The following MCM2 variants were observed in gnomAD, a reference collection of about 807,000 sequenced individuals.
The protein encoded by MCM2 is DNA replication licensing factor MCM2.
MCM2 carries 49 observed loss-of-function variants against 86.4 expected under a neutral mutation model. The observed-to-expected ratio is 0.57, with a 90% confidence interval of 0.45 to 0.72. MCM2 has a LOEUF of 0.72. MCM2 is among the 30% of genes least tolerant of loss of function. MCM2 has a pLI of 0.00. For synonymous variants in MCM2, 475 were observed against 484.6 expected (o/e 0.98, Z 0.26); for missense variants, 1,038 against 1,259.9 (o/e 0.82, Z 2.67).
intron 8 of MCM2, among the ~76,000 whole-genome samples, chr3:127,611,255 C>T (rs943412011): frequency 3.3e-5 from 5 of 152,216 alleles, no homozygotes; most frequent in African/African-American, 1.2e-4. Context: ...TGGGGTCTTA[C>T]AGTCCCTAAG....
intron 2 of MCM2, among the ~76,000 whole-genome samples, chr3:127,602,931 C>G (rs1341413653): frequency 6.6e-6 from 1 of 152,150 alleles, no homozygotes; most frequent in Non-Finnish European, 1.5e-5. Context: ...ATTATTTTTT[C>G]TTATTGGGCG....
Position 127,618,227 on chromosome 3 carries a change from C to A in MCM2, c.2013+146C>A. On this transcript the variant is annotated intron_variant, in intron 12 of 15. Coordinates refer to ENST00000265056, the MANE Select transcript of MCM2 (RefSeq NM_004526.4). The surrounding 1 kb of genome is among the most constrained non-coding windows in gnomAD (Gnocchi z 4.0). ...TAGTCCTGTTCCCTCGGTCTCTTCTCATGTCCAGAAGTCGCCCTGATTTCT... is the reference window on the plus strand; with the variant it reads ...TAGTCCTGTTCCCTCGGTCTCTTCTAATGTCCAGAAGTCGCCCTGATTTCT... The A allele has an allele frequency of 3.0e-6, 2 of 671,174 alleles. No individual in the cohort carries two copies. Among genetic ancestry groups the A allele is most frequent in the Non-Finnish European group, 2.7e-6 (1 of 372,742 alleles). The allele number at this position is 671,174 out of a possible 1,614,324, so 41.6% of individuals were successfully genotyped here. A position where few individuals can be genotyped will look rare whatever the true frequency, so the allele number is the denominator to read the frequency against.
intron 9 of MCM2, 104 bp downstream of exon 9, chr3:127,616,059 A>G: frequency 1.1e-6 from 1 of 921,460 alleles, no homozygotes; most frequent in South Asian, 1.4e-5. Flanking sequence ...TGCTGGGGAG[A>G]AAGAATGCAT....
At chr3:127,619,855 T>C (rs1297296222) in intron 13 of MCM2, among the ~76,000 whole-genome samples, 4 of 152,060 alleles carry the variant, frequency 2.6e-5, no homozygotes, top group Non-Finnish European at 5.9e-5. Context: ...TGGTGGTTTG[T>C]GCCTGTAGTC....
rs765257478 is a variant in MCM2, at chr3:127,619,197, G to A, written c.2184G>A (p.Lys728=). The change falls in exon 13 of 16, where the codon AAG becomes AAA. Residue 728 remains lysine, a synonymous_variant. Coordinates refer to ENST00000265056, the MANE Select transcript of MCM2 (RefSeq NM_004526.4). ...TGAAGAAGTACATCATCTACGCCAAGGAGAGGGTCCACCCGAAGCTCAACC... is the reference window on the plus strand; with the variant it reads ...TGAAGAAGTACATCATCTACGCCAAAGAGAGGGTCCACCCGAAGCTCAACC... ...EVLKKYIIYA[K]ERVHPKLNQM... 1.2e-6 allele frequency: 2 copies of A among 1,614,064 alleles called. No homozygotes were observed. Among genetic ancestry groups the A allele is most frequent in the Admixed American group, 3.3e-5 (2 of 60,002 alleles).
At chr3:127,620,979 G>T (rs764356045) in intron 14 of MCM2, 94 bp from the exon 15 acceptor site, 17 of 1,572,866 alleles carry the variant, frequency 1.1e-5, no homozygotes, top group African/African-American at 4.0e-5. Flanking sequence ...CCCAGGAGCG[G>T]CAGCCTGTCT....
intron 2 of MCM2, among the ~76,000 whole-genome samples, chr3:127,603,905 C>A (rs2074324740): frequency 6.6e-6 from 1 of 152,154 alleles, no homozygotes; most frequent in Non-Finnish European, 1.5e-5. Flanking sequence ...CGTGATTCAT[C>A]CGCCTTGGCC....
chr3:127,601,550 C>T (rs9824789), intron 2 of MCM2, among the ~76,000 whole-genome samples: 6 of 151,992 alleles, frequency 3.9e-5, no homozygotes, highest in South Asian at 2.1e-4. Context: ...AGTAGAGATG[C>T]GGTTTCGGTT....
chr3:127,602,580 A>G (rs1441237546), intron 2 of MCM2, among the ~76,000 whole-genome samples: 1 of 152,190 alleles, frequency 6.6e-6, no homozygotes, highest in Non-Finnish European at 1.5e-5. Flanking sequence ...TTCAGATGGA[A>G]TGACAGTGTC....
rs1413914240 is a variant in MCM2, at chr3:127,609,081, G to A, written c.1428+58G>A. The A allele has an allele frequency of 1.9e-6, 3 of 1,577,810 alleles. No individual in the cohort carries two copies. In the South Asian group the frequency reaches 3.4e-5, roughly 18 times the overall value. ...ATGCTGTGAGAGGATATGGAGGGTTGCTGGGGCTGTGGTAGGCACCTAGGG... is the reference window on the plus strand; with the variant it reads ...ATGCTGTGAGAGGATATGGAGGGTTACTGGGGCTGTGGTAGGCACCTAGGG... On this transcript the variant is annotated intron_variant, in intron 8 of 15. Transcript: ENST00000265056.
intron 2 of MCM2, among the ~76,000 whole-genome samples, chr3:127,602,147 T>A (rs1478751226): frequency 6.6e-6 from 1 of 151,792 alleles, no homozygotes; most frequent in East Asian, 1.9e-4. Context: ...TGAAATTTGA[T>A]GAAGTCCAGT....
At chr3:127,619,362 G>A (rs1352960551) in intron 13 of MCM2, 84 bp downstream of exon 13, 7 of 1,520,448 alleles carry the variant, frequency 4.6e-6, no homozygotes, top group Non-Finnish European at 5.3e-6. Flanking sequence ...CGGGGGTGGT[G>A]GTCAGTCAGG....
intron 13 of MCM2, 82 bp from the exon 14 acceptor site, chr3:127,620,616 T>G (rs2074468959): frequency 7.0e-7 from 1 of 1,428,256 alleles, no homozygotes; most frequent in African/African-American, 1.4e-5. Flanking sequence ...TTCTTGGCTC[T>G]GGGTGCTAAG....
chr3:127,598,967 G>A (rs2074280876), intron 1 of MCM2: 1 of 395,388 alleles, frequency 2.5e-6, no homozygotes, highest in South Asian at 3.3e-5. Context: ...CACTGTGTGT[G>A]CTGAAATAGG....
Position 127,604,546 on chromosome 3 carries a change from G to A in MCM2, c.237-62G>A, listed in dbSNP as rs921924551. On this transcript the variant is annotated intron_variant, in intron 2 of 15. Transcript: ENST00000265056. Reference sequence around the variant, plus strand: ...AGGGAACAGGCCCAGTTCCTGGATGGGGTTTGGTGCTTAGGGTTTTCCTTT... The same window carrying A: ...AGGGAACAGGCCCAGTTCCTGGATGAGGTTTGGTGCTTAGGGTTTTCCTTT... The A allele has an allele frequency of 1.9e-5, 30 of 1,550,350 alleles. No homozygotes were observed. In the South Asian group the frequency reaches 2.0e-4, roughly 10 times the overall value.
chr3:127,609,770 C>T (rs922153224), intron 8 of MCM2, among the ~76,000 whole-genome samples: 4 of 151,722 alleles, frequency 2.6e-5, no homozygotes, highest in Admixed American at 6.6e-5. Flanking sequence ...CCCAGAGCAC[C>T]GTGTGTTCTC....
intron 8 of MCM2, 116 bp downstream of exon 8, chr3:127,609,139 A>T: frequency 9.5e-7 from 1 of 1,050,346 alleles, no homozygotes; most frequent in East Asian, 2.5e-5. Context: ...ATTCCCCTGG[A>T]GCTCAGTAAG....
intron 1 of MCM2, 134 bp downstream of exon 1, chr3:127,598,606 T>C: frequency 8.1e-7 from 1 of 1,240,242 alleles, no homozygotes; most frequent in South Asian, 1.6e-5. Context: ...CGCAGCTACT[T>C]TCTCGCCTGC....
chr3:127,616,746 T>C (rs2074435862), intron 9 of MCM2, 122 bp from the exon 10 acceptor site: 2 of 1,125,124 alleles, frequency 1.8e-6, no homozygotes, highest in Non-Finnish European at 2.6e-6. Context: ...TATCCCTTTC[T>C]AGAGGGACTG....
Sources: allele counts gnomAD v4.1 joint callset (sites outside exome capture counted in the v4.1 genomes callset), GRCh38; gene constraint gnomAD v4.1.1; non-coding constraint Gnocchi (gnomAD v3.1); transcripts MANE v1.5; gene names NCBI Gene and HGNC (gene_info 2026-07-23, HGNC 2026-07-21).